Variants in SHB observed in about 807,000 individuals in gnomAD.
SHB encodes the protein SH2 domain containing adaptor protein B, also known as SH2 domain-containing adapter protein B.
Under a neutral mutation model 52.3 loss-of-function variants are expected in SHB, and 20 were observed. That is an observed-to-expected ratio of 0.38 (90% CI 0.27 to 0.56). The LOEUF is 0.56. Ranked by LOEUF, SHB falls within the 20% of genes least tolerant of loss-of-function variation. The pLI, the probability that SHB is intolerant of heterozygous loss-of-function variation, is 0.71. For missense variants in SHB, 825 were observed against 723.3 expected (o/e 1.14, Z -1.61); for synonymous variants, 397 against 316.5 (o/e 1.25, Z -2.70).
At chr9:38,021,060 G>A (rs1041877473) in intron 1 of SHB, among the ~76,000 whole-genome samples, 15 of 152,354 alleles carry the variant, frequency 9.8e-5, no homozygotes, top group East Asian at 3.9e-4. Context: ...AGGCATGTCC[G>A]GGCTTAGTGG....
At chr9:37,968,883 G>A (rs990625529) in intron 3 of SHB, among the ~76,000 whole-genome samples, 1 of 152,170 alleles carries the variant, frequency 6.6e-6, no homozygotes, top group Non-Finnish European at 1.5e-5. Flanking sequence ...AGGACAGGGA[G>A]TGGGACTCTA....
chr9:37,922,030 A>G (rs571593775), intron 5 of SHB, among the ~76,000 whole-genome samples: 1 of 152,276 alleles, frequency 6.6e-6, no homozygotes, highest in African/African-American at 2.4e-5. Flanking sequence ...GGAGGGTATG[A>G]CCCTGGGCAC....
chr9:38,034,402 T>TA (rs377195801), intron 1 of SHB, among the ~76,000 whole-genome samples: 449 of 152,348 alleles, frequency 2.9e-3, no homozygotes, highest in African/African-American at 0.01. Flanking sequence ...TGTCTCCCTC[T>TA]ACTCTGTACA....
chr9:38,028,997 C>T (rs1482726483), intron 1 of SHB, among the ~76,000 whole-genome samples: 2 of 152,208 alleles, frequency 1.3e-5, no homozygotes, highest in Non-Finnish European at 2.9e-5. Context: ...TACAGGACCA[C>T]CGAGCTTCCC....
chr9:37,946,813 G>C (rs753075715), intron 5 of SHB, among the ~76,000 whole-genome samples: 1 of 152,234 alleles, frequency 6.6e-6, no homozygotes, highest in Non-Finnish European at 1.5e-5. Context: ...AGAGACAGAT[G>C]GGGAGGGAGA....
chr9:38,065,174 G>A (rs1821945325), intron 1 of SHB, among the ~76,000 whole-genome samples: 1 of 152,156 alleles, frequency 6.6e-6, no homozygotes, highest in Non-Finnish European at 1.5e-5. Context: ...GCAGAAGGAA[G>A]GCCGGATCTA....
chr9:38,039,409 T>C (rs1041278394), intron 1 of SHB, among the ~76,000 whole-genome samples: 9 of 152,270 alleles, frequency 5.9e-5, no homozygotes, highest in African/African-American at 2.2e-4. Context: ...CTGTATGTGC[T>C]GCTGCCACTT....
At chr9:38,058,608 C>T (rs778947614) in intron 1 of SHB, among the ~76,000 whole-genome samples, 7 of 152,196 alleles carry the variant, frequency 4.6e-5, no homozygotes, top group Non-Finnish European at 8.8e-5. Flanking sequence ...TCAGAACCCT[C>T]TGCTGCCCCC....
chr9:38,009,708 T>A (rs1189220374), intron 2 of SHB, among the ~76,000 whole-genome samples: 1 of 152,208 alleles, frequency 6.6e-6, no homozygotes, highest in Non-Finnish European at 1.5e-5. Context: ...CTCTTGCCTT[T>A]AAAATCAGTG....
At chr9:38,004,208 G>A (rs1821053515) in intron 2 of SHB, among the ~76,000 whole-genome samples, 1 of 152,220 alleles carries the variant, frequency 6.6e-6, no homozygotes, top group South Asian at 2.1e-4. Context: ...GAGAGATGCT[G>A]TGAAGGGCAT....
chr9:38,032,007 A>G (rs1821421876), intron 1 of SHB, among the ~76,000 whole-genome samples: 1 of 152,080 alleles, frequency 6.6e-6, no homozygotes, highest in African/African-American at 2.4e-5. Flanking sequence ...CTCTGTGAAG[A>G]CCTGGGACCG....
intron 1 of SHB, among the ~76,000 whole-genome samples, chr9:38,056,321 T>C (rs1159303816): frequency 6.6e-6 from 1 of 152,138 alleles, no homozygotes; most frequent in Non-Finnish European, 1.5e-5. Context: ...AAAATATAAA[T>C]ACTACAGTAG....
intron 1 of SHB, among the ~76,000 whole-genome samples, chr9:38,055,033 C>T (rs1248132122): frequency 6.6e-6 from 1 of 152,178 alleles, no homozygotes; most frequent in African/African-American, 2.4e-5. Context: ...AATACTGATG[C>T]CCTGGCTGTA....
At chr9:37,942,086 G>C (rs565263172) in intron 5 of SHB, among the ~76,000 whole-genome samples, 1 of 152,318 alleles carries the variant, frequency 6.6e-6, no homozygotes, top group African/African-American at 2.4e-5. Flanking sequence ...TGAAGGGACA[G>C]ACAAAAGAAA....
intron 2 of SHB, among the ~76,000 whole-genome samples, chr9:37,983,767 C>A (rs899102771): frequency 6.6e-6 from 1 of 152,232 alleles, no homozygotes; most frequent in Non-Finnish European, 1.5e-5. Context: ...ACCGGGGATC[C>A]GTGCCCGAGA....
chr9:37,946,171 G>C (rs768398667), intron 5 of SHB, among the ~76,000 whole-genome samples: 30 of 152,254 alleles, frequency 2.0e-4, no homozygotes, highest in Non-Finnish European at 3.2e-4. Context: ...AGGCCAGTGA[G>C]TGCAGGAGGC....
intron 3 of SHB, among the ~76,000 whole-genome samples, chr9:37,967,375 G>T (rs1587218142): frequency 6.6e-6 from 1 of 152,156 alleles, no homozygotes; most frequent in East Asian, 1.9e-4. Flanking sequence ...AGGCTTTGAA[G>T]GTGTCAAAAC....
intron 5 of SHB, among the ~76,000 whole-genome samples, chr9:37,935,224 G>C (rs180886650): frequency 6.6e-6 from 1 of 152,162 alleles, no homozygotes; most frequent in East Asian, 1.9e-4. Context: ...ACACTGCCTC[G>C]AGTTTCTAAT....
At chr9:37,932,170 T>C (rs936117997) in intron 5 of SHB, among the ~76,000 whole-genome samples, 1 of 145,178 alleles carries the variant, frequency 6.9e-6, no homozygotes, top group African/African-American at 2.6e-5. Flanking sequence ...TAATCCCAGA[T>C]ACTCGGGAGG....
Sources: allele counts gnomAD v4.1 joint callset (sites outside exome capture counted in the v4.1 genomes callset), GRCh38; gene constraint gnomAD v4.1.1; transcripts MANE v1.5; gene names NCBI Gene and HGNC (gene_info 2026-07-23, HGNC 2026-07-21).